Variants in CSGALNACT1 observed in about 807,000 individuals in gnomAD.
CSGALNACT1 encodes the protein beta4GalNAcT-1.
In CSGALNACT1, 52 loss-of-function variants were observed where a neutral mutation model predicts 51.0. That is an observed-to-expected ratio of 1.02 (90% CI 0.82 to 1.29). CSGALNACT1 has a LOEUF of 1.29. Ranked by LOEUF, CSGALNACT1 falls within the 50% of genes most tolerant of loss-of-function variation. The pLI is 0.00. For missense variants in CSGALNACT1, 935 were observed against 679.2 expected, an observed-to-expected ratio of 1.38 and a Z score of -4.19; for synonymous variants, 341 against 254.4, an observed-to-expected ratio of 1.34 and a Z score of -3.24.
chr8:19,549,203 C>T (rs1489869316), intron 3 of CSGALNACT1, among the ~76,000 whole-genome samples: 2 of 151,880 alleles, frequency 1.3e-5, no homozygotes, highest in Admixed American at 6.6e-5. Flanking sequence ...CACACTTTTC[C>T]TCTCCATCCT....
chr8:19,531,535 T>C (rs2082762290), intron 3 of CSGALNACT1, among the ~76,000 whole-genome samples: 1 of 152,224 alleles, frequency 6.6e-6, no homozygotes, highest in African/African-American at 2.4e-5. Context: ...GTCCTGTTTC[T>C]AACACCACCG....
chr8:19,620,317 A>C (rs1426949810), intron 1 of CSGALNACT1, among the ~76,000 whole-genome samples: 2 of 11,214 alleles, frequency 1.8e-4, no homozygotes, highest in African/African-American at 8.2e-4. Flanking sequence ...TCTGTCTCAA[A>C]AAAAAAAAAA....
chr8:19,638,737 C>T (rs2056402076), intron 1 of CSGALNACT1, among the ~76,000 whole-genome samples: 1 of 151,824 alleles, frequency 6.6e-6, no homozygotes. Context: ...TGGTAACTTC[C>T]CTAAGGCTAG....
At position 19,680,413 on chromosome 8, in the gene CSGALNACT1, G is replaced by A. The variant is rs554324401; in HGVS notation, c.-544+2060C>T. ...TGTACTAAAAATATAAAAATCAGCC[G>A]GGTGTGGTGGCGGGTGCCTGTAATC... On this transcript the variant is annotated intron_variant, in intron 1 of 9. Transcript: ENST00000332246. 1.4e-4 allele frequency among the ~76,000 whole-genome samples: 21 copies of A among 152,010 alleles called. No homozygotes were observed. In the South Asian group the frequency reaches 1.7e-3, roughly 12 times the overall value.
chr8:19,737,133 C>T (rs907881213), intron 1 of CSGALNACT1, among the ~76,000 whole-genome samples: 5 of 152,098 alleles, frequency 3.3e-5, no homozygotes, highest in African/African-American at 1.2e-4. Flanking sequence ...TAGAATTTTA[C>T]ACCTAATGAA....
exon 5 of CSGALNACT1, chr8:19,458,444 T>C: frequency 6.2e-7 from 1 of 1,614,168 alleles, no homozygotes; most frequent in East Asian, 2.2e-5. Flanking sequence ...CTGCATGAAC[T>C]GCCGGAACTT....
intron 3 of CSGALNACT1, among the ~76,000 whole-genome samples, chr8:19,524,429 A>G (rs1482920272): frequency 1.3e-5 from 2 of 152,152 alleles, no homozygotes; most frequent in East Asian, 3.8e-4. Context: ...AACCATGCCT[A>G]ATTTTTTTTT....
At chr8:19,500,102 A>G (rs906035216) in intron 4 of CSGALNACT1, among the ~76,000 whole-genome samples, 3 of 152,244 alleles carry the variant, frequency 2.0e-5, no homozygotes, top group African/African-American at 7.2e-5. Flanking sequence ...GTAAAAGGAT[A>G]GAGGGGCCTG....
At chr8:19,636,627 G>C (rs985534979) in intron 1 of CSGALNACT1, among the ~76,000 whole-genome samples, 3 of 152,068 alleles carry the variant, frequency 2.0e-5, no homozygotes, top group African/African-American at 7.2e-5. Flanking sequence ...TTCCAAAATC[G>C]ATGTTCACAC....
chr8:19,543,490 T>C (rs2085732586), intron 3 of CSGALNACT1, among the ~76,000 whole-genome samples: 1 of 152,206 alleles, frequency 6.6e-6, no homozygotes, highest in South Asian at 2.1e-4. Flanking sequence ...TGATTTACAG[T>C]GAGCCCCTAC....
intron 1 of CSGALNACT1, among the ~76,000 whole-genome samples, chr8:19,625,754 C>A (rs1175613327): frequency 3.3e-5 from 5 of 152,182 alleles, no homozygotes; most frequent in African/African-American, 1.2e-4. Context: ...AGAGAGGGGG[C>A]CTTAAGGCAA....
chr8:19,418,508 G>C, intron 8 of CSGALNACT1, 148 bp downstream of exon 7: 2 of 706,736 alleles, frequency 2.8e-6, no homozygotes, highest in Non-Finnish European at 5.2e-6. Context: ...GGCGCCGGGA[G>C]CAGAGGCCAG....
chr8:19,538,511 T>C (rs755663914), intron 3 of CSGALNACT1, among the ~76,000 whole-genome samples: 1 of 152,020 alleles, frequency 6.6e-6, no homozygotes, highest in Non-Finnish European at 1.5e-5. Context: ...TAGAGAGCAA[T>C]GTATGAACCT....
intron 3 of CSGALNACT1, among the ~76,000 whole-genome samples, chr8:19,509,536 C>T (rs113917680): frequency 1.4e-5 from 2 of 147,554 alleles, no homozygotes; most frequent in African/African-American, 5.0e-5. Context: ...GCACGAGAAT[C>T]GCTTGAACCC....
intron 3 of CSGALNACT1, among the ~76,000 whole-genome samples, chr8:19,517,899 T>C (rs1197266551): frequency 2.6e-5 from 4 of 152,174 alleles, no homozygotes; most frequent in Non-Finnish European, 5.9e-5. Flanking sequence ...AGTTCTCTCT[T>C]CTTTCCTCTA....
intron 2 of CSGALNACT1, among the ~76,000 whole-genome samples, chr8:19,594,772 G>A (rs1156957648): frequency 6.6e-6 from 1 of 151,168 alleles, no homozygotes; most frequent in African/African-American, 2.4e-5. Context: ...GGCTGGTCTC[G>A]AACTCCTGAC....
chr8:19,457,969 A>G (rs1001068402), intron 5 of CSGALNACT1, among the ~76,000 whole-genome samples: 1 of 152,234 alleles, frequency 6.6e-6, no homozygotes, highest in African/African-American at 2.4e-5. Flanking sequence ...CCACTAGAAC[A>G]GGACAGCAGG....
intron 6 of CSGALNACT1, among the ~76,000 whole-genome samples, chr8:19,435,854 G>A (rs4430112): frequency 0.46 from 69,613 of 152,004 alleles, 17,454 homozygotes; most frequent in East Asian, 0.83. Context: ...CCTTATAAAG[G>A]AATATATTAC....
At chr8:19,663,369 G>A (rs79703302) in intron 1 of CSGALNACT1, among the ~76,000 whole-genome samples, 5,901 of 152,000 alleles carry the variant, frequency 0.039, 144 homozygotes, top group South Asian at 0.047. Context: ...TCCTCTTCTC[G>A]CCAAAATCTA....
Sources: gnomAD v4.1 joint callset for allele counts (sites outside exome capture counted in the v4.1 genomes callset) on GRCh38, gnomAD v4.1.1 for gene constraint, MANE v1.5 for transcripts, NCBI Gene and HGNC (gene_info 2026-07-23, HGNC 2026-07-21) for gene names.